Variants in CFAP52 observed in about 807,000 individuals in gnomAD.
The protein encoded by CFAP52 is cilia- and flagella-associated protein 52.
In CFAP52, 57 loss-of-function variants were observed where a neutral mutation model predicts 70.5. The ratio of observed to expected loss-of-function variants is 0.81; its 90% CI spans 0.65 to 1.01. CFAP52 has a LOEUF of 1.01. Among genes scored for constraint, CFAP52 ranks in the 50% least tolerant of loss-of-function variants. The pLI is 0.00. For synonymous variants in CFAP52, 267 were observed against 292.5 expected (o/e 0.91, Z 0.89); for missense variants, 785 against 788.5 (o/e 1.00, Z 0.05).
At chr17:9,628,621 T>A (rs763219383) in intron 8 of CFAP52, 51 bp from the exon 9 acceptor site, 1 of 1,592,126 alleles carries the variant, frequency 6.3e-7, no homozygotes, top group Non-Finnish European at 8.6e-7. Context: ...CAAATATGCA[T>A]CTGGGAAACT....
intron 8 of CFAP52, among the ~76,000 whole-genome samples, chr17:9,627,954 C>T (rs890231084): frequency 6.6e-6 from 1 of 152,066 alleles, no homozygotes; most frequent in African/African-American, 2.4e-5. Flanking sequence ...GTCTTGAACT[C>T]CTGGCCTCAA....
intron 5 of CFAP52, 158 bp downstream of exon 5, chr17:9,598,491 G>T (rs1909120934): frequency 3.6e-6 from 2 of 556,954 alleles, no homozygotes. Flanking sequence ...GCCAGGTGCA[G>T]TGGCTCACGC....
At chr17:9,625,427 AG>A (rs954305701) in intron 8 of CFAP52, among the ~76,000 whole-genome samples, 16 of 138,246 alleles carry the variant, frequency 1.2e-4, no homozygotes, top group African/African-American at 4.5e-4. Context: ...ATTGTTAGCT[AG>A]GGATACATGT....
chr17:9,595,242 T>C (rs1908946310), intron 4 of CFAP52, among the ~76,000 whole-genome samples: 1 of 152,144 alleles, frequency 6.6e-6, no homozygotes, highest in African/African-American at 2.4e-5. Flanking sequence ...AAGTATGTGT[T>C]CAGTAGAACT....
chr17:9,639,766 C>A (rs1910972792), intron 12 of CFAP52, among the ~76,000 whole-genome samples: 1 of 152,146 alleles, frequency 6.6e-6, no homozygotes, highest in Non-Finnish European at 1.5e-5. Context: ...TAAGGAGCAG[C>A]ATCTGAGTGA....
intron 8 of CFAP52, among the ~76,000 whole-genome samples, chr17:9,627,510 AAATAAATAAATG>A (rs1436214884): frequency 6.6e-6 from 1 of 152,138 alleles, no homozygotes; most frequent in East Asian, 1.9e-4. Flanking sequence ...TCTCAAAAAT[AAATAAATAAATG>A]AATAAATAAA....
chr17:9,596,747 C>G (rs1909036346), intron 4 of CFAP52, among the ~76,000 whole-genome samples: 1 of 151,280 alleles, frequency 6.6e-6, no homozygotes, highest in South Asian at 2.1e-4. Flanking sequence ...TGGAGTTTTG[C>G]TCTTGTTGCC....
chr17:9,585,923 G>C lies in CFAP52; in HGVS notation c.221G>C (p.Arg74Thr), dbSNP rs769016321. The C allele has an allele frequency of 1.9e-6, 3 of 1,613,786 alleles. No homozygotes were observed. The highest frequency in any genetic ancestry group is 2.5e-6 in the Non-Finnish European group (3 of 1,179,938). Reference sequence around the variant, plus strand: ...AACGTCTCCTGCTTGGCCATCTCCAGGTCTGGAGAGTACATCGCCTCCGGA... The same window carrying C: ...AACGTCTCCTGCTTGGCCATCTCCACGTCTGGAGAGTACATCGCCTCCGGA... ...GNNVSCLAIS[R>T]SGEYIASGQV... Residue 74 changes from arginine to threonine, a missense_variant, in exon 2 of 14, where the codon AGG becomes ACG. By Grantham distance (71) the Arg-to-Thr change is moderately conservative (BLOSUM62 -1). Transcript: ENST00000352665.
chr17:9,635,889 A>G (rs1347846303), intron 11 of CFAP52, among the ~76,000 whole-genome samples: 4 of 152,154 alleles, frequency 2.6e-5, no homozygotes, highest in African/African-American at 7.2e-5. Flanking sequence ...TAACGAATGC[A>G]AGGTCGGGCG....
chr17:9,629,995 T>C (rs534837869), intron 9 of CFAP52, among the ~76,000 whole-genome samples: 83 of 151,990 alleles, frequency 5.5e-4, no homozygotes, highest in African/African-American at 1.9e-3. Flanking sequence ...TGGGCTTACC[T>C]TACATCTAGA....
intron 10 of CFAP52, among the ~76,000 whole-genome samples, chr17:9,634,933 G>T (rs1910707627): frequency 6.6e-6 from 1 of 152,140 alleles, no homozygotes; most frequent in African/African-American, 2.4e-5. Context: ...TATAAAATAG[G>T]TATTGGATTC....
intron 12 of CFAP52, among the ~76,000 whole-genome samples, chr17:9,640,325 G>A (rs1340983477): frequency 2.0e-5 from 3 of 150,870 alleles, no homozygotes; most frequent in Middle Eastern, 3.4e-3. Flanking sequence ...TTTGCTGTAC[G>A]GATCATCCCA....
intron 2 of CFAP52, 128 bp from the exon 3 acceptor site, chr17:9,586,568 CAA>C (rs11296135): frequency 0.17 from 151,751 of 871,952 alleles, 1 homozygote; most frequent in Middle Eastern, 0.19. Flanking sequence ...TCCGTCTCAA[CAA>C]AAAAAAAAAA....
chr17:9,586,491 G>T (rs1315680620), intron 2 of CFAP52, among the ~76,000 whole-genome samples: 2 of 151,708 alleles, frequency 1.3e-5, no homozygotes, highest in Non-Finnish European at 2.9e-5. Flanking sequence ...TTGAACCCAG[G>T]AGGTGGATGT....
At chr17:9,623,052 G>T (rs2151945723) in intron 8 of CFAP52, among the ~76,000 whole-genome samples, 1 of 152,088 alleles carries the variant, frequency 6.6e-6, no homozygotes, top group East Asian at 1.9e-4. Context: ...AAATGTTAAG[G>T]TCTCAGGCAA....
chr17:9,635,192 C>T (rs1230364443), intron 10 of CFAP52, among the ~76,000 whole-genome samples: 1 of 152,080 alleles, frequency 6.6e-6, no homozygotes, highest in Non-Finnish European at 1.5e-5. Flanking sequence ...TTGTTAGTAG[C>T]ATTTTTGAAG....
intron 8 of CFAP52, among the ~76,000 whole-genome samples, chr17:9,621,869 G>A (rs1910048750): frequency 7.1e-6 from 1 of 140,904 alleles, no homozygotes; most frequent in Non-Finnish European, 1.5e-5. Flanking sequence ...TCGGGGGAGG[G>A]GAGAGGGATA....
At chr17:9,614,349 T>C (rs531866983) in intron 8 of CFAP52, among the ~76,000 whole-genome samples, 37 of 152,202 alleles carry the variant, frequency 2.4e-4, no homozygotes, top group African/African-American at 8.7e-4. Flanking sequence ...AGAGATGGGA[T>C]TTCACTATGT....
At chr17:9,576,885 C>T in intron 1 of CFAP52, 120 bp downstream of exon 1, 1 of 1,087,456 alleles carries the variant, frequency 9.2e-7, no homozygotes, top group Non-Finnish European at 1.3e-6. Context: ...GGCAGGAGCC[C>T]TGGCCAGGGA....
Sources: allele counts gnomAD v4.1 joint callset (sites outside exome capture counted in the v4.1 genomes callset), GRCh38; gene constraint gnomAD v4.1.1; transcripts MANE v1.5; gene names NCBI Gene and HGNC (gene_info 2026-07-23, HGNC 2026-07-21).